CACHD1: variants seen among roughly 807,000 people sequenced by gnomAD.
CACHD1 encodes VWFA and cache domain-containing protein 1.
A neutral mutation model predicts 138.7 loss-of-function variants in CACHD1; 71 were observed. The ratio of observed to expected loss-of-function variants is 0.51; its 90% CI spans 0.42 to 0.62. The LOEUF is 0.62. CACHD1 is among the 20% of genes least tolerant of loss of function. The pLI, the probability that CACHD1 is intolerant of heterozygous loss-of-function variation, is 0.00. For missense variants in CACHD1, 1,389 were observed against 1,625.3 expected, an observed-to-expected ratio of 0.85 and a Z score of 2.50; for synonymous variants, 578 against 591.5, an observed-to-expected ratio of 0.98 and a Z score of 0.33.
At chr1:64,593,365 G>A (rs1041619168) in intron 3 of CACHD1, among the ~76,000 whole-genome samples, 1 of 152,134 alleles carries the variant, frequency 6.6e-6, no homozygotes, top group South Asian at 2.1e-4. Flanking sequence ...TTTTAAGGTA[G>A]TGCACATGGA....
At chr1:64,673,289 T>TCCA in intron 18 of CACHD1, 32 bp downstream of exon 18, 1 of 1,613,220 alleles carries the variant, frequency 6.2e-7, no homozygotes. Context: ...TGCTCAGTTC[T>TCCA]CCAACCTCCT....
intron 17 of CACHD1, among the ~76,000 whole-genome samples, 188 bp downstream of exon 17, chr1:64,671,874 A>C (rs1649828648): frequency 6.6e-6 from 1 of 152,062 alleles, no homozygotes. Context: ...CATACTGTTT[A>C]TGATTTAGAC....
intron 1 of CACHD1, among the ~76,000 whole-genome samples, chr1:64,477,636 T>A (rs905033258): frequency 6.9e-6 from 1 of 144,970 alleles, no homozygotes; most frequent in African/African-American, 2.6e-5. Flanking sequence ...TTTATTTTAT[T>A]TTTTTTTTTG....
chr1:64,636,102 T>A (rs1256331942), intron 7 of CACHD1, among the ~76,000 whole-genome samples: 1 of 109,712 alleles, frequency 9.1e-6, no homozygotes, highest in Non-Finnish European at 2.1e-5. Context: ...GGAGCGAGAC[T>A]CAGTCTCAAA....
intron 16 of CACHD1, among the ~76,000 whole-genome samples, chr1:64,669,798 G>C (rs1395729954): frequency 6.6e-6 from 1 of 152,024 alleles, no homozygotes; most frequent in South Asian, 2.1e-4. Context: ...CAATATACGT[G>C]CTGTTGCTTT....
Position 64,671,566 on chromosome 1 carries a change from C to T in CACHD1, c.2390C>T (p.Thr797Ile). 1.2e-6 allele frequency: 2 copies of T among 1,613,938 alleles called. No homozygotes were observed. Among genetic ancestry groups the T allele is most frequent in the South Asian group, 2.2e-5 (2 of 91,066 alleles). ...TCATTGATCTTTTTCACTTAAAGTA[C>T]ACAGCTGTCTTCTGGGCACACTGTG... ...TISHTIHSSS[T>I]QLSSGHTVAV... Residue 797 changes from threonine (T) to isoleucine (I), a missense_variant and splice_region_variant, in exon 17 of 27, where the codon ACA (threonine) becomes ATA (isoleucine). Physicochemically the swap from Thr to Ile is moderately conservative, Grantham distance 89. Coordinates refer to ENST00000651257, the MANE Select transcript of CACHD1 (RefSeq NM_020925.4).
chr1:64,521,283 G>A (rs1394623537), intron 1 of CACHD1, among the ~76,000 whole-genome samples: 2 of 152,178 alleles, frequency 1.3e-5, no homozygotes, highest in South Asian at 2.1e-4. Flanking sequence ...TACCATAGAC[G>A]GCTCACAACA....
intron 1 of CACHD1, among the ~76,000 whole-genome samples, chr1:64,512,831 G>T (rs912784432): frequency 6.6e-6 from 1 of 152,152 alleles, no homozygotes; most frequent in African/African-American, 2.4e-5. Context: ...TTGATATGTG[G>T]TTAAGTTTTT....
chr1:64,552,472 T>A (rs1447730653), intron 2 of CACHD1, among the ~76,000 whole-genome samples: 2 of 4,070 alleles, frequency 4.9e-4, no homozygotes, highest in Non-Finnish European at 3.8e-3. Flanking sequence ...TTTTGTTTTG[T>A]TTTTTTTTTT....
intron 1 of CACHD1, among the ~76,000 whole-genome samples, chr1:64,484,635 A>G (rs1471571566): frequency 6.6e-6 from 1 of 152,194 alleles, no homozygotes; most frequent in African/African-American, 2.4e-5. Context: ...ATAATGCCCC[A>G]TTCCTCCCTC....
At chr1:64,604,604 C>T (rs1647280980) in intron 4 of CACHD1, among the ~76,000 whole-genome samples, 1 of 152,148 alleles carries the variant, frequency 6.6e-6, no homozygotes, top group African/African-American at 2.4e-5. Context: ...ATACTGTAAT[C>T]CAACATTGTA....
chr1:64,643,952 C>G (rs79479658), intron 8 of CACHD1, among the ~76,000 whole-genome samples: 2 of 152,252 alleles, frequency 1.3e-5, no homozygotes, highest in African/African-American at 4.8e-5. Context: ...CTGTCCAGTC[C>G]TCTTTGTCCC....
chr1:64,654,687 C>T lies in CACHD1; in HGVS notation c.1666C>T (p.Leu556Phe). The T allele has an allele frequency of 1.2e-6, 2 of 1,606,722 alleles. No homozygotes were observed. Among genetic ancestry groups the T allele is most frequent in the Non-Finnish European group, 1.7e-6 (2 of 1,174,102 alleles). ...FELVRQNILS[L>F]PLGSQIIAVP... ...ATTTAATTCTGTTTGCCAACACAGC[C>T]TCCCTCTGGGCAGCCAGATTATCGC... is the stretch of plus-strand genomic sequence containing the variant. The change falls in exon 12 of 27, where the codon CTC becomes TTC. Residue 556 changes from leucine to phenylalanine, a missense_variant and splice_region_variant. Transcript: ENST00000651257.
chr1:64,663,966 G>C, intron 14 of CACHD1, 129 bp downstream of exon 14: 4 of 1,235,742 alleles, frequency 3.2e-6, no homozygotes, highest in South Asian at 2.9e-5. Context: ...GAGCTGCAGA[G>C]TGTGTGGCCC....
At chr1:64,603,452 C>T (rs906453438) in intron 4 of CACHD1, among the ~76,000 whole-genome samples, 15 of 152,028 alleles carry the variant, frequency 9.9e-5, no homozygotes, top group Non-Finnish European at 2.2e-4. Flanking sequence ...ATGCCAAATA[C>T]CTTTCTATGC....
intron 3 of CACHD1, among the ~76,000 whole-genome samples, chr1:64,595,184 C>T (rs1647139744): frequency 6.6e-6 from 1 of 152,186 alleles, no homozygotes; most frequent in Non-Finnish European, 1.5e-5. Context: ...TGTCATACCA[C>T]TCACAGTTGT....
chr1:64,538,577 G>A (rs1646653280), intron 1 of CACHD1, among the ~76,000 whole-genome samples: 1 of 152,112 alleles, frequency 6.6e-6, no homozygotes, highest in Non-Finnish European at 1.5e-5. Flanking sequence ...CTAAGCCTAG[G>A]GAGGAGGCTA....
intron 1 of CACHD1, among the ~76,000 whole-genome samples, chr1:64,548,806 T>C (rs909030628): frequency 2.6e-5 from 4 of 152,256 alleles, no homozygotes; most frequent in Admixed American, 1.3e-4. Context: ...AAATGTGTTA[T>C]GTAAAACTTT....
At chr1:64,582,035 T>C in intron 2 of CACHD1, 121 bp from the exon 3 acceptor site, 1 of 1,145,576 alleles carries the variant, frequency 8.7e-7, no homozygotes, top group Non-Finnish European at 1.2e-6. Flanking sequence ...GTGTGTGTTG[T>C]TTGTTTTACT....
Sources: allele counts gnomAD v4.1 joint callset (sites outside exome capture counted in the v4.1 genomes callset), GRCh38; gene constraint gnomAD v4.1.1; transcripts MANE v1.5; gene names NCBI Gene and HGNC (gene_info 2026-07-23, HGNC 2026-07-21).